RGS7: variants seen among roughly 807,000 people sequenced by gnomAD.
RGS7 encodes the protein regulator of G-protein signaling 7.
RGS7 carries 27 observed loss-of-function variants against 81.1 expected under a neutral mutation model. The ratio of observed to expected loss-of-function variants is 0.33; its 90% CI spans 0.25 to 0.46. RGS7 has a LOEUF of 0.46. RGS7 is among the 20% of genes least tolerant of loss of function. RGS7 has a pLI of 1.00. For missense variants in RGS7, 396 were observed against 607.4 expected (o/e 0.65, Z 3.66); for synonymous variants, 208 against 207.7 (o/e 1.00, Z -0.01).
chr1:241,298,991 C>T (rs1428252249), intron 2 of RGS7, among the ~76,000 whole-genome samples: 2 of 152,204 alleles, frequency 1.3e-5, no homozygotes, highest in Admixed American at 1.3e-4. Context: ...CATGTGCCGT[C>T]ACATAATTTA....
intron 2 of RGS7, among the ~76,000 whole-genome samples, chr1:241,183,887 C>T (rs2071857681): frequency 6.6e-6 from 1 of 152,174 alleles, no homozygotes; most frequent in Admixed American, 6.6e-5. Context: ...ATCTCTTAGG[C>T]ATTCAAAGCA....
At chr1:240,885,194 CAAT>C (rs1268447282) in intron 6 of RGS7, among the ~76,000 whole-genome samples, 10 of 152,114 alleles carry the variant, frequency 6.6e-5, no homozygotes, top group Middle Eastern at 3.2e-3. Flanking sequence ...ATCAAAACCA[CAAT>C]GACATACCAT....
intron 11 of RGS7, 30 bp from the exon 12 acceptor site, chr1:240,814,807 T>A: frequency 7.4e-7 from 1 of 1,357,364 alleles, no homozygotes; most frequent in Non-Finnish European, 1.1e-6. Flanking sequence ...AGGAGTTACA[T>A]AAGTAATGAC....
At chr1:241,031,550 C>T (rs1376494193) in intron 3 of RGS7, among the ~76,000 whole-genome samples, 1 of 152,162 alleles carries the variant, frequency 6.6e-6, no homozygotes, top group Non-Finnish European at 1.5e-5. Context: ...TGAAAAATCT[C>T]CATACTGTTT....
intron 2 of RGS7, among the ~76,000 whole-genome samples, chr1:241,262,640 T>C (rs957110514): frequency 1.3e-5 from 2 of 152,182 alleles, no homozygotes; most frequent in African/African-American, 4.8e-5. Context: ...AACATAATTA[T>C]AAAATCGCAG....
rs562811800 is a variant in RGS7, at chr1:241,053,064, T to A, written c.175+45602A>T. ...TCCTAAAGCAATCACACTGAAAATA[T>A]CTCTTGACATACATTTAGACTTTCA... On this transcript the variant is annotated intron_variant, in intron 3 of 18. Coordinates refer to ENST00000440928, the MANE Select transcript of RGS7 (RefSeq NM_001364886.1). Among the ~76,000 whole-genome samples, 4 of 152,262 alleles carry A rather than the reference T, an allele frequency of 2.6e-5. No individual in the cohort carries two copies. In the East Asian group the frequency reaches 7.7e-4, roughly 29 times the overall value.
chr1:241,332,314 A>G (rs2082018518), intron 2 of RGS7, among the ~76,000 whole-genome samples: 1 of 152,208 alleles, frequency 6.6e-6, no homozygotes, highest in Non-Finnish European at 1.5e-5. Context: ...GGAGGCCATG[A>G]TTGATGTTTT....
chr1:241,296,939 T>C (rs1162554823), intron 2 of RGS7, among the ~76,000 whole-genome samples: 1 of 152,172 alleles, frequency 6.6e-6, no homozygotes, highest in African/African-American at 2.4e-5. Flanking sequence ...CTGGGTTTTT[T>C]TTTTTTAAGT....
At chr1:240,794,649 C>G (rs556669841) in intron 18 of RGS7, among the ~76,000 whole-genome samples, 3 of 152,288 alleles carry the variant, frequency 2.0e-5, no homozygotes, top group African/African-American at 7.2e-5. Context: ...GAACCAAGGT[C>G]CATCCCAAAC....
intron 2 of RGS7, among the ~76,000 whole-genome samples, chr1:241,131,676 C>T (rs541274989): frequency 6.6e-6 from 1 of 152,272 alleles, no homozygotes; most frequent in South Asian, 2.1e-4. Flanking sequence ...TCTCTCATAA[C>T]GTGGCAGCCT....
chr1:240,826,616 G>A (rs760875118), intron 10 of RGS7, among the ~76,000 whole-genome samples: 14 of 152,120 alleles, frequency 9.2e-5, no homozygotes, highest in Admixed American at 5.2e-4. Context: ...AACTATTGCT[G>A]TGCATTTTCA....
chr1:240,781,032 TA>T (rs11296063), intron 18 of RGS7, among the ~76,000 whole-genome samples: 28,585 of 144,668 alleles, frequency 0.2, 3,788 homozygotes, highest in African/African-American at 0.39. Flanking sequence ...TATCAATTTA[TA>T]AAAAAAAAAA....
rs1352295954 is a variant in RGS7, at chr1:241,098,628, T to C, written c.175+38A>G. 3 of 1,337,404 alleles carry C rather than the reference T, an allele frequency of 2.2e-6. No individual in the cohort carries two copies. The Admixed American group carries it at 5.0e-5, about 22-fold the overall frequency. The allele number at this position is 1,337,404 out of a possible 1,614,324, so 82.8% of individuals were successfully genotyped here. On this transcript the variant is annotated intron_variant, in intron 3 of 18. Coordinates refer to ENST00000440928, the MANE Select transcript of RGS7 (RefSeq NM_001364886.1). ...CAGTTTTAAAGAGTTATCTAAGAGG[T>C]ACAGGAGAAAACAGAACTGTGCTCC... is the stretch of plus-strand genomic sequence containing the variant.
intron 6 of RGS7, among the ~76,000 whole-genome samples, chr1:240,880,447 G>A (rs1001191621): frequency 1.3e-5 from 2 of 152,162 alleles, no homozygotes; most frequent in Non-Finnish European, 1.5e-5. Flanking sequence ...TATTAATCTT[G>A]GGTTTCCCAT....
At chr1:240,922,127 A>G (rs1173273929) in intron 6 of RGS7, among the ~76,000 whole-genome samples, 3 of 152,076 alleles carry the variant, frequency 2.0e-5, no homozygotes, top group Non-Finnish European at 4.4e-5. Flanking sequence ...TGGAGAGAAG[A>G]TCCTATTTTC....
chr1:240,889,489 G>C (rs890547764), intron 6 of RGS7, among the ~76,000 whole-genome samples: 1 of 152,162 alleles, frequency 6.6e-6, no homozygotes, highest in Non-Finnish European at 1.5e-5. Context: ...CCCTGGCTAG[G>C]GGCTCAGGTT....
chr1:241,035,620 T>C (rs2060285443), intron 3 of RGS7, among the ~76,000 whole-genome samples: 1 of 152,088 alleles, frequency 6.6e-6, no homozygotes, highest in African/African-American at 2.4e-5. Flanking sequence ...GCCATTGCCA[T>C]CAGCATCACC....
chr1:240,993,465 G>A (rs377544998), intron 3 of RGS7, among the ~76,000 whole-genome samples: 6 of 152,144 alleles, frequency 3.9e-5, no homozygotes, highest in African/African-American at 1.2e-4. Context: ...GGTGGCTAAT[G>A]GTATTGAACA....
At chr1:241,252,947 C>A (rs1211724975) in intron 2 of RGS7, among the ~76,000 whole-genome samples, 1 of 152,174 alleles carries the variant, frequency 6.6e-6, no homozygotes, top group Admixed American at 6.5e-5. Context: ...CAGTACTCAT[C>A]CTCTGAAGAT....
Sources: allele counts gnomAD v4.1 joint callset (sites outside exome capture counted in the v4.1 genomes callset), GRCh38; gene constraint gnomAD v4.1.1; transcripts MANE v1.5; gene names NCBI Gene and HGNC (gene_info 2026-07-23, HGNC 2026-07-21).